FGD3: variants seen among roughly 807,000 people sequenced by gnomAD.
The protein encoded by FGD3 is FYVE, RhoGEF and PH domain-containing protein 3.
Under a neutral mutation model 71.8 loss-of-function variants are expected in FGD3, and 45 were observed. That is an observed-to-expected ratio of 0.63 (90% CI 0.49 to 0.80). The LOEUF (loss-of-function observed/expected upper bound fraction) is 0.80. FGD3 is among the 30% of genes least tolerant of loss of function. The probability of loss-of-function intolerance (pLI) is 0.00; values close to 1 mark genes in which losing one functional copy is unlikely to be tolerated. For missense variants in FGD3, 844 were observed against 951.5 expected (o/e 0.89, Z 1.49); for synonymous variants, 378 against 392.8 (o/e 0.96, Z 0.44).
intron 14 of FGD3, 38 bp from the exon 15 acceptor site, chr9:93,029,836 G>A: frequency 5.0e-6 from 8 of 1,600,966 alleles, no homozygotes; most frequent in Non-Finnish European, 6.8e-6. Flanking sequence ...GTGCACACAT[G>A]ATTCAGAAGC....
chr9:92,977,950 C>A (rs191937293), intron 3 of FGD3, among the ~76,000 whole-genome samples: 191 of 152,266 alleles, frequency 1.3e-3, no homozygotes, highest in Non-Finnish European at 2.2e-3. Context: ...AAATTATAAA[C>A]AGGACCAGGC....
At chr9:93,026,119 A>T (rs1862104497) in intron 14 of FGD3, among the ~76,000 whole-genome samples, 1 of 152,142 alleles carries the variant, frequency 6.6e-6, no homozygotes, top group South Asian at 2.1e-4. Context: ...CCGTTCCTGG[A>T]TGTGCAGCTC....
At chr9:92,974,926 C>G (rs1859667530) in intron 1 of FGD3, among the ~76,000 whole-genome samples, 1 of 152,206 alleles carries the variant, frequency 6.6e-6, no homozygotes, top group Non-Finnish European at 1.5e-5. Flanking sequence ...TGACCCTTCC[C>G]CTGGGCCGCA....
At chr9:93,022,621 G>A (rs530265062) in intron 14 of FGD3, among the ~76,000 whole-genome samples, 1 of 152,146 alleles carries the variant, frequency 6.6e-6, no homozygotes, top group African/African-American at 2.4e-5. Context: ...AGGGGACTCT[G>A]TAAGGTGGGC....
At chr9:92,967,178 G>T (rs1232629983) in intron 1 of FGD3, among the ~76,000 whole-genome samples, 1 of 152,070 alleles carries the variant, frequency 6.6e-6, no homozygotes, top group East Asian at 1.9e-4. Flanking sequence ...GGTCAGGCTG[G>T]TCTTGAACTC....
chr9:93,029,999 GA>G lies in FGD3; in HGVS notation c.1680+4del. The G allele has an allele frequency of 6.2e-7, 1 of 1,611,326 alleles. No individual in the cohort carries two copies. Among genetic ancestry groups the G allele is most frequent in the Non-Finnish European group, 8.5e-7 (1 of 1,178,662 alleles). ...ATCACTGCAAGCTGTGTGGGGCGGTGAGTCCCGGGAGAGGGGGACAGGGACA... is the reference window on the plus strand; with the variant it reads ...ATCACTGCAAGCTGTGTGGGGCGGTGGTCCCGGGAGAGGGGGACAGGGACA... On this transcript the variant is annotated splice_donor_region_variant and intron_variant, in intron 15 of 17. Transcript: ENST00000375482.
chr9:93,023,321 C>T (rs920341357), intron 14 of FGD3, among the ~76,000 whole-genome samples: 2 of 152,136 alleles, frequency 1.3e-5, no homozygotes, highest in Non-Finnish European at 2.9e-5. Flanking sequence ...CTGGGCTGGC[C>T]GGGCACTGGG....
rs186091006 is a variant in FGD3, at chr9:92,985,000, A to G, written c.453+8291A>G. 1.5e-3 allele frequency among the ~76,000 whole-genome samples: 234 copies of G among 152,214 alleles called. 1 individual carries two copies. The highest frequency in any genetic ancestry group is 4.2e-3 in the Admixed American group (65 of 15,298). On this transcript the variant is annotated intron_variant, in intron 3 of 17. Coordinates refer to ENST00000375482, the MANE Select transcript of FGD3 (RefSeq NM_001083536.2). The stretch of plus-strand genomic sequence containing the variant: ...CTGCTAGTGCCAATGTCTGATTTGG[A>G]AGCCAGCTAGAGCAGAGAGCTCTCC...
Position 93,029,966 on chromosome 9 carries a change from G to A in FGD3, c.1650G>A (p.Lys550=), listed in dbSNP as rs2118835798. The A allele has an allele frequency of 6.2e-7, 1 of 1,613,278 alleles. No individual in the cohort carries two copies. The highest frequency in any genetic ancestry group is 8.5e-7 in the Non-Finnish European group (1 of 1,179,576). ...SCGETFNSIT[K]RRHHCKLCGA... ...GTGAGACCTTCAACTCCATCACCAA[G>A]AGGAGGCATCACTGCAAGCTGTGTG... The change falls in exon 15 of 18, where the codon AAG becomes AAA. Residue 550 remains lysine (K), a synonymous_variant. Transcript: ENST00000375482.
At position 93,019,862 on chromosome 9, in the gene FGD3, G is replaced by T; in HGVS notation, c.1386+1G>T. The T allele has an allele frequency of 6.2e-7, 1 of 1,614,066 alleles. No homozygotes were observed. The highest frequency in any genetic ancestry group is 8.5e-7 in the Non-Finnish European group (1 of 1,179,934). On this transcript the variant is annotated splice_donor_variant, in intron 12 of 17. Transcript: ENST00000375482. LOFTEE classifies it high-confidence loss of function. ...GGAAGAGAAGAAAGAATGGATTCAG[G>T]TGAAGCTTCTAAAGTTGTAAAGTAA...
rs535903043 is a variant in FGD3 at position 93,017,755 on chromosome 9, C to T, written c.1276-381C>T. Among the ~76,000 whole-genome samples, 15 of 152,080 alleles carry T rather than the reference C, an allele frequency of 9.9e-5. 1 individual carries two copies. The highest frequency in any genetic ancestry group is 8.5e-4 in the Admixed American group (13 of 15,276). On this transcript the variant is annotated intron_variant, in intron 10 of 17. Coordinates refer to ENST00000375482, the MANE Select transcript of FGD3 (RefSeq NM_001083536.2). ...CAGATCCCTTTCCATCCTAAGGGGA[C>T]GTGGCTGCTGTGGCGGGCAGTGCCC... is the stretch of plus-strand genomic sequence containing the variant.
At chr9:93,010,655 GGA>G (rs1262617110) in intron 7 of FGD3, among the ~76,000 whole-genome samples, 1 of 66,234 alleles carries the variant, frequency 1.5e-5, no homozygotes, top group Admixed American at 1.8e-4. Context: ...GGAAGGAGGG[GGA>G]GAGAGAGGGA....
At chr9:92,995,457 A>G (rs1024761991) in intron 3 of FGD3, among the ~76,000 whole-genome samples, 1 of 152,124 alleles carries the variant, frequency 6.6e-6, no homozygotes, top group Non-Finnish European at 1.5e-5. Context: ...CTAATTGAAT[A>G]TGCTTTATTT....
chr9:92,971,566 CTTTTTTTT>C (rs869043960), intron 1 of FGD3, among the ~76,000 whole-genome samples: 19 of 39,568 alleles, frequency 4.8e-4, no homozygotes, highest in African/African-American at 1.6e-3. Flanking sequence ...CTTTTCTTTT[CTTTTTTTT>C]TTTTTTTTTT....
chr9:92,988,813 A>G (rs980826569), intron 3 of FGD3, among the ~76,000 whole-genome samples: 1 of 152,072 alleles, frequency 6.6e-6, no homozygotes, highest in Admixed American at 6.6e-5. Context: ...CCCTTTCCCT[A>G]TGGCATGTAA....
At chr9:93,025,570 A>G (rs1358386541) in intron 14 of FGD3, among the ~76,000 whole-genome samples, 2 of 152,232 alleles carry the variant, frequency 1.3e-5, no homozygotes, top group East Asian at 3.9e-4. Flanking sequence ...TTTTTGCTAC[A>G]GTATACCAAA....
chr9:93,035,261 G>C, intron 17 of FGD3, 77 bp from the exon 18 acceptor site: 1 of 1,537,074 alleles, frequency 6.5e-7, no homozygotes, highest in Non-Finnish European at 8.7e-7. Context: ...TGGCCTCCTG[G>C]GAGAGGCCCC....
intron 1 of FGD3, among the ~76,000 whole-genome samples, chr9:92,965,644 G>C (rs985723503): frequency 2.6e-5 from 4 of 152,260 alleles, no homozygotes; most frequent in Admixed American, 2.6e-4. Context: ...CTGCAGCCGT[G>C]TTGTACAGAG....
chr9:92,996,801 T>C (rs1860663186), intron 3 of FGD3, among the ~76,000 whole-genome samples: 1 of 152,242 alleles, frequency 6.6e-6, no homozygotes, highest in South Asian at 2.1e-4. Flanking sequence ...GTGAGTTTCT[T>C]AATCCTGAGT....
Sources: allele counts gnomAD v4.1 joint callset (sites outside exome capture counted in the v4.1 genomes callset), GRCh38; gene constraint gnomAD v4.1.1; transcripts MANE v1.5; gene names NCBI Gene and HGNC (gene_info 2026-07-23, HGNC 2026-07-21).